The following GNAO1 variants were observed in gnomAD, a reference collection of about 807,000 sequenced individuals.
The protein encoded by GNAO1 is guanine nucleotide-binding protein G(o) subunit alpha.
For missense variants in GNAO1, 166 were observed against 478.7 expected (o/e 0.35, Z 6.10); for synonymous variants, 164 against 180.7 (o/e 0.91, Z 0.74).
chr16:56,249,472 G>A (rs1484386530), intron 2 of GNAO1, among the ~76,000 whole-genome samples: 1 of 152,132 alleles, frequency 6.6e-6, no homozygotes, highest in Non-Finnish European at 1.5e-5. Context: ...GGGGAGGGGA[G>A]AGGAGTGCTG....
chr16:56,247,162 C>T (rs966267876), intron 2 of GNAO1, among the ~76,000 whole-genome samples: 1 of 152,198 alleles, frequency 6.6e-6, no homozygotes, highest in African/African-American at 2.4e-5. Flanking sequence ...CAGCATGGCC[C>T]GTCAGCAGAG....
intron 2 of GNAO1, among the ~76,000 whole-genome samples, chr16:56,248,912 G>A (rs1036514940): frequency 4.6e-5 from 7 of 151,610 alleles, no homozygotes; most frequent in Non-Finnish European, 1.0e-4. Flanking sequence ...TCTCACTGTG[G>A]AGAACAGCCC....
chr16:56,216,250 AT>A (rs1294905616), intron 2 of GNAO1, among the ~76,000 whole-genome samples: 4 of 152,218 alleles, frequency 2.6e-5, no homozygotes, highest in African/African-American at 9.6e-5. Flanking sequence ...TAATATCTCC[AT>A]TTTTTAAAAG....
intron 2 of GNAO1, among the ~76,000 whole-genome samples, chr16:56,273,252 G>T (rs1055933507): frequency 6.6e-6 from 1 of 151,954 alleles, no homozygotes; most frequent in African/African-American, 2.4e-5. Context: ...TTTCAATTTA[G>T]ATAGTTTTTA....
rs2037631292 is a variant in GNAO1 at position 56,326,286 on chromosome 16, G to A, written c.304-2345G>A. On this transcript the variant is annotated intron_variant, in intron 3 of 8. Transcript: ENST00000262493. This position sits in a 1 kb window ranked among gnomAD's most constrained non-coding sequence, Gnocchi z 4.8. ...TCAGCCAGGAATAGAGGGGCCACTC[G>A]GATGGTGGTTACCTTGCATTTTGGT... 6.6e-6 allele frequency among the ~76,000 whole-genome samples: 1 copy of A among 152,194 alleles called. No individual in the cohort carries two copies. Among genetic ancestry groups the A allele is most frequent in the Admixed American group, 6.5e-5 (1 of 15,282 alleles).
intron 2 of GNAO1, among the ~76,000 whole-genome samples, chr16:56,244,810 G>T (rs1259578943): frequency 7.2e-5 from 11 of 152,148 alleles, no homozygotes; most frequent in Non-Finnish European, 1.6e-4. Context: ...CAGGAGCATG[G>T]ACAGAGCTCC....
At chr16:56,224,681 A>C (rs1228901916) in intron 2 of GNAO1, among the ~76,000 whole-genome samples, 1 of 152,168 alleles carries the variant, frequency 6.6e-6, no homozygotes, top group Non-Finnish European at 1.5e-5. Context: ...GGGTTTCACC[A>C]TGTTAGCCAG....
intron 3 of GNAO1, among the ~76,000 whole-genome samples, chr16:56,292,678 A>G (rs931458205): frequency 6.6e-6 from 1 of 152,194 alleles, no homozygotes; most frequent in African/African-American, 2.4e-5. Flanking sequence ...AGAATTTAAA[A>G]TGGAGCTGTT....
chr16:56,287,840 C>A lies in GNAO1; in HGVS notation c.303+11768C>A, dbSNP rs114897885. On this transcript the variant is annotated intron_variant, in intron 3 of 8. Transcript: ENST00000262493. ...GGCCCAGCATGGCCTGAGAGAGAAA[C>A]CCAAAGAGATAGAGACAAGGAGAGA... Among the ~76,000 whole-genome samples, 824 of 152,058 alleles carry A rather than the reference C, an allele frequency of 5.4e-3. 10 individuals carry two copies. Among genetic ancestry groups the A allele is most frequent in the African/African-American group, 0.019 (794 of 41,450 alleles).
intron 2 of GNAO1, among the ~76,000 whole-genome samples, chr16:56,248,529 G>A (rs2036770633): frequency 6.6e-6 from 1 of 152,196 alleles, no homozygotes; most frequent in Non-Finnish European, 1.5e-5. Flanking sequence ...TTCCAGGATG[G>A]AAAGAGAGGC....
intron 2 of GNAO1, among the ~76,000 whole-genome samples, chr16:56,219,283 G>T (rs750207641): frequency 5.9e-5 from 9 of 152,122 alleles, no homozygotes; most frequent in Non-Finnish European, 1.2e-4. Context: ...CTGCCTTCTT[G>T]GAGCTCCAAA....
chr16:56,221,565 G>A (rs983938772), intron 2 of GNAO1, among the ~76,000 whole-genome samples: 6 of 149,794 alleles, frequency 4.0e-5, no homozygotes, highest in Non-Finnish European at 7.4e-5. Flanking sequence ...CAGGAGAATC[G>A]CTTGAACCCA....
chr16:56,224,580 A>G (rs779997727), intron 2 of GNAO1, among the ~76,000 whole-genome samples: 1 of 152,164 alleles, frequency 6.6e-6, no homozygotes, highest in African/African-American at 2.4e-5. Context: ...AGGTTCAAGC[A>G]ATTCTTGTGC....
chr16:56,300,042 C>T (rs559752625), intron 3 of GNAO1, among the ~76,000 whole-genome samples: 2,048 of 30,976 alleles, frequency 0.066, 41 homozygotes, highest in East Asian at 0.28. Flanking sequence ...TGTGTGCGCG[C>T]GCGCGCGCGC....
At chr16:56,243,190 T>G (rs2036710831) in intron 2 of GNAO1, among the ~76,000 whole-genome samples, 1 of 151,986 alleles carries the variant, frequency 6.6e-6, no homozygotes, top group African/African-American at 2.4e-5. Flanking sequence ...ATATAATTAT[T>G]TCATTATATA....
intron 2 of GNAO1, among the ~76,000 whole-genome samples, chr16:56,264,258 G>A (rs1213443453): frequency 6.6e-6 from 1 of 152,184 alleles, no homozygotes; most frequent in Admixed American, 6.5e-5. Context: ...CTAGGGCCAG[G>A]GGCCCCAGAC....
intron 2 of GNAO1, among the ~76,000 whole-genome samples, chr16:56,224,664 A>G (rs1228267273): frequency 2.6e-5 from 4 of 152,170 alleles, no homozygotes; most frequent in African/African-American, 4.8e-5. Flanking sequence ...TATTTTTAGT[A>G]GAGATGGGGT....
intron 1 of GNAO1, 90 bp downstream of exon 1, chr16:56,192,443 G>A: frequency 1.1e-6 from 1 of 930,972 alleles, no homozygotes; most frequent in South Asian, 1.4e-5. Context: ...GCGCCCGGGA[G>A]ACCTGGTCCC....
intron 2 of GNAO1, among the ~76,000 whole-genome samples, chr16:56,224,795 ACAC>A (rs2036520220): frequency 6.6e-6 from 1 of 152,194 alleles, no homozygotes; most frequent in Non-Finnish European, 1.5e-5. Flanking sequence ...CTGCCCATTT[ACAC>A]TTACGGCTTT....
Sources: gnomAD v4.1 joint callset for allele counts (sites outside exome capture counted in the v4.1 genomes callset) on GRCh38, gnomAD v4.1.1 for gene constraint, Gnocchi (gnomAD v3.1) non-coding constraint, MANE v1.5 for transcripts, NCBI Gene and HGNC (gene_info 2026-07-23, HGNC 2026-07-21) for gene names.